The following CMIP variants were observed in gnomAD, a reference collection of about 807,000 sequenced individuals.
CMIP encodes C-Maf-inducing protein.
A neutral mutation model predicts 97.3 loss-of-function variants in CMIP; 13 were observed. The observed-to-expected ratio is 0.13, with a 90% CI of 0.09 to 0.21. The LOEUF is 0.21. CMIP is among the 10% of genes least tolerant of loss of function. The pLI, the probability that CMIP is intolerant of heterozygous loss-of-function variation, is 1.00. For missense variants in CMIP, 847 were observed against 1,024.9 expected (o/e 0.83, Z 2.37); for synonymous variants, 538 against 436.3 (o/e 1.23, Z -2.91).
chr16:81,486,142 G>A lies in CMIP; in HGVS notation c.300+40601G>A, dbSNP rs779662948. Among the ~76,000 whole-genome samples, 17 of 152,264 alleles carry A rather than the reference G, an allele frequency of 1.1e-4. 1 individual carries two copies. Among genetic ancestry groups the A allele is most frequent in the Non-Finnish European group, 2.2e-4 (15 of 68,046 alleles). ...GTTCATTGCCTGCTGGCCAGAGCGA[G>A]CTGGTGTGTCAGACTCACATGAACG... On this transcript the variant is annotated intron_variant, in intron 1 of 20. Transcript: ENST00000537098.
intron 17 of CMIP, among the ~76,000 whole-genome samples, chr16:81,703,447 C>G (rs2151100337): frequency 6.6e-6 from 1 of 152,066 alleles, no homozygotes; most frequent in Non-Finnish European, 1.5e-5. Flanking sequence ...AGTGAGGCAG[C>G]CAGTCACACA....
At position 81,616,488 on chromosome 16, in the gene CMIP, C is replaced by T. The variant is rs1360709626; in HGVS notation, c.427-4388C>T. Among the ~76,000 whole-genome samples the T allele has an allele frequency of 6.6e-6, 1 of 152,206 alleles. No individual in the cohort carries two copies. Among genetic ancestry groups the T allele is most frequent in the Admixed American group, 6.5e-5 (1 of 15,280 alleles). On this transcript the variant is annotated intron_variant, in intron 2 of 20. Transcript: ENST00000537098. The surrounding 1 kb of genome is among the most constrained non-coding windows in gnomAD (Gnocchi z 4.7). ...GAGCATTTCTCGTGGTGCCTGGTAC[C>T]GAGTAAGCACCCGTGGTCTGTGGTT... is the stretch of plus-strand genomic sequence containing the variant.
chr16:81,663,584 C>A (rs975248942), intron 6 of CMIP, among the ~76,000 whole-genome samples: 1 of 152,152 alleles, frequency 6.6e-6, no homozygotes, highest in East Asian at 1.9e-4. Flanking sequence ...GTCTAAACAC[C>A]CAGAGCGCAC....
chr16:81,692,615 G>T (rs1906224295), intron 11 of CMIP, among the ~76,000 whole-genome samples: 1 of 152,192 alleles, frequency 6.6e-6, no homozygotes. Flanking sequence ...GTGCTGGCCT[G>T]GCCAGTCCCC....
intron 1 of CMIP, among the ~76,000 whole-genome samples, chr16:81,511,781 C>T (rs1771751353): frequency 1.3e-5 from 2 of 152,094 alleles, no homozygotes; most frequent in Non-Finnish European, 2.9e-5. Flanking sequence ...AGGCTGGTCT[C>T]GAACTCCTGG....
intron 1 of CMIP, among the ~76,000 whole-genome samples, chr16:81,586,140 A>G (rs2091378879): frequency 6.6e-6 from 1 of 151,590 alleles, no homozygotes; most frequent in Non-Finnish European, 1.5e-5. Flanking sequence ...GGTGGGTCTA[A>G]ACAGCTACTT....
intron 1 of CMIP, among the ~76,000 whole-genome samples, chr16:81,514,243 G>C (rs2089867903): frequency 6.6e-6 from 1 of 152,202 alleles, no homozygotes; most frequent in Non-Finnish European, 1.5e-5. Context: ...CATGCAGTTG[G>C]AGGGGTGGGG....
intron 1 of CMIP, chr16:81,476,293 T>C (rs1189615387): frequency 1.9e-6 from 3 of 1,554,442 alleles, no homozygotes; most frequent in African/African-American, 2.7e-5. Context: ...ATAGATGGAC[T>C]TGCCACCAGT....
chr16:81,476,115 C>T lies in CMIP; in HGVS notation c.300+30574C>T, dbSNP rs980016189. 49 of 875,680 alleles carry T rather than the reference C, an allele frequency of 5.6e-5. 1 individual carries two copies. Among genetic ancestry groups the T allele is most frequent in the South Asian group, 2.5e-4 (19 of 76,682 alleles). 54.2% of individuals were successfully genotyped at this position (875,680 alleles called of 1,614,324 possible). A position where few individuals can be genotyped will look rare whatever the true frequency, so the allele number is the denominator to read the frequency against. ...TGCTCCATGGCCTCCACAGTCTTCACGTCTTCTTTCACCTTGCCGGAGACC... is the reference window on the plus strand; with the variant it reads ...TGCTCCATGGCCTCCACAGTCTTCATGTCTTCTTTCACCTTGCCGGAGACC... On this transcript the variant is annotated intron_variant, in intron 1 of 20. Coordinates refer to ENST00000537098, the MANE Select transcript of CMIP (RefSeq NM_198390.3).
intron 1 of CMIP, among the ~76,000 whole-genome samples, chr16:81,577,929 C>T (rs1388846743): frequency 6.6e-6 from 1 of 151,630 alleles, no homozygotes; most frequent in Non-Finnish European, 1.5e-5. Flanking sequence ...CCATCATCAC[C>T]ATCACCTTCA....
intron 1 of CMIP, chr16:81,464,406 T>C (rs1597451686): frequency 6.6e-6 from 1 of 152,366 alleles, no homozygotes; most frequent in Non-Finnish European, 1.5e-5. Context: ...CCCCAGTCGC[T>C]GTCCCTACCC....
chr16:81,524,084 C>G (rs2927316), intron 1 of CMIP, among the ~76,000 whole-genome samples: 103,628 of 151,946 alleles, frequency 0.68, 35,478 homozygotes, highest in South Asian at 0.73. Context: ...GCCTCTTTCA[C>G]GGGTTCCATG....
chr16:81,620,734 A>G (rs1172483748), intron 2 of CMIP, 142 bp from the exon 3 acceptor site: 6 of 939,758 alleles, frequency 6.4e-6, no homozygotes, highest in South Asian at 1.6e-5. Flanking sequence ...TCAGCTTAGC[A>G]TATCTTTCAG....
chr16:81,591,534 A>T (rs2091466862), intron 1 of CMIP, among the ~76,000 whole-genome samples: 1 of 152,162 alleles, frequency 6.6e-6, no homozygotes, highest in Non-Finnish European at 1.5e-5. Context: ...CACATGGATG[A>T]AGCTCTCAGA....
rs909659460 is a variant in CMIP at position 81,660,791 on chromosome 16, T to A, written c.682-93T>A. 19 of 1,381,564 alleles carry A rather than the reference T, an allele frequency of 1.4e-5. No individual in the cohort carries two copies. The African/African-American group carries it at 2.4e-4, about 18-fold the overall frequency. The allele number at this position is 1,381,564 out of a possible 1,614,324, so 85.6% of individuals were successfully genotyped here. A position where few individuals can be genotyped will look rare whatever the true frequency, so the allele number is the denominator to read the frequency against. On this transcript the variant is annotated intron_variant, in intron 5 of 20. Transcript: ENST00000537098. ...GCAGGATGTGTTGCTCTGCATTTAT[T>A]TTTTTCACTTCACAATATGGCCTGG...
chr16:81,586,228 G>A (rs2091380338), intron 1 of CMIP, among the ~76,000 whole-genome samples: 1 of 152,038 alleles, frequency 6.6e-6, no homozygotes. Context: ...ATGGGATTTT[G>A]GGCCCTATTG....
intron 1 of CMIP, among the ~76,000 whole-genome samples, chr16:81,592,840 C>T (rs1299409126): frequency 1.3e-5 from 2 of 152,218 alleles, no homozygotes; most frequent in African/African-American, 2.4e-5. Context: ...TGGCATGTGG[C>T]ATGTGCCCAG....
At chr16:81,663,007 A>G (rs915860462) in intron 6 of CMIP, among the ~76,000 whole-genome samples, 3 of 152,080 alleles carry the variant, frequency 2.0e-5, no homozygotes, top group Non-Finnish European at 2.9e-5. Context: ...CAGAACGCCT[A>G]TGTGTACCAT....
chr16:81,526,477 T>C (rs1432701289), intron 1 of CMIP, among the ~76,000 whole-genome samples: 1 of 152,186 alleles, frequency 6.6e-6, no homozygotes, highest in Non-Finnish European at 1.5e-5. Context: ...CATTCATCAG[T>C]ACCCCAAAGT....
Sources: gnomAD v4.1 joint callset for allele counts (sites outside exome capture counted in the v4.1 genomes callset) on GRCh38, gnomAD v4.1.1 for gene constraint, Gnocchi (gnomAD v3.1) non-coding constraint, MANE v1.5 for transcripts, NCBI Gene and HGNC (gene_info 2026-07-23, HGNC 2026-07-21) for gene names.